The following BAIAP2 variants were observed in gnomAD, a reference collection of about 807,000 sequenced individuals.
BAIAP2 encodes BAR/IMD domain-containing adapter protein 2.
BAIAP2 carries 18 observed loss-of-function variants against 63.0 expected under a neutral mutation model. The ratio of observed to expected loss-of-function variants is 0.29; its 90% CI spans 0.20 to 0.42. The LOEUF is 0.42. BAIAP2 is among the 10% of genes least tolerant of loss of function. BAIAP2 has a pLI of 1.00. For synonymous variants in BAIAP2, 386 were observed against 307.6 expected (o/e 1.25, Z -2.67); for missense variants, 610 against 734.3 (o/e 0.83, Z 1.96).
In BAIAP2 at chr17:81,046,408, A is replaced by G. The variant is rs2047811701; in HGVS notation, c.55-7260A>G. On this transcript the variant is annotated intron_variant, in intron 1 of 13. Coordinates refer to ENST00000428708, the MANE Select transcript of BAIAP2 (RefSeq NM_001144888.2). This position sits in a 1 kb window ranked among gnomAD's most constrained non-coding sequence, Gnocchi z 4.5. ...TTTCTTCCTTCAGGAAGGATCCTCC[A>G]GGACAGATGTCCAAGTGTTTAGAGG... Among the ~76,000 whole-genome samples, 1 of 152,104 alleles carries G rather than the reference A, an allele frequency of 6.6e-6. No homozygotes were observed. Among genetic ancestry groups the G allele is most frequent in the Admixed American group, 6.5e-5 (1 of 15,286 alleles).
chr17:81,037,050 T>A, intron 1 of BAIAP2: 1 of 1,072,200 alleles, frequency 9.3e-7, no homozygotes, highest in Non-Finnish European at 1.4e-6. Context: ...GGCCTTCACC[T>A]AGGTGAAGCT....
intron 6 of BAIAP2, among the ~76,000 whole-genome samples, chr17:81,088,312 A>T (rs1169764535): frequency 6.6e-6 from 1 of 152,216 alleles, no homozygotes; most frequent in East Asian, 1.9e-4. Context: ...CTGAGGGCTC[A>T]GCTGCCTGCT....
intron 7 of BAIAP2, among the ~76,000 whole-genome samples, chr17:81,101,420 C>T (rs2058466291): frequency 6.6e-6 from 1 of 152,256 alleles, no homozygotes; most frequent in Non-Finnish European, 1.5e-5. Context: ...CCCTGTTCAC[C>T]CATAGTCCAT....
At chr17:81,057,488 G>C (rs773744245) in intron 2 of BAIAP2, 9 of 211,058 alleles carry the variant, frequency 4.3e-5, no homozygotes, top group Non-Finnish European at 7.5e-5. Flanking sequence ...GTGGGGAAAT[G>C]GCTTCCTACT....
intron 10 of BAIAP2, 123 bp downstream of exon 10, chr17:81,104,838 C>T (rs573081313): frequency 8.1e-5 from 84 of 1,039,022 alleles, no homozygotes; most frequent in Middle Eastern, 6.3e-4. Flanking sequence ...GGGTCCTCGC[C>T]GTAGAAGACC....
At chr17:81,097,231 T>C (rs2057778399) in intron 6 of BAIAP2, among the ~76,000 whole-genome samples, 1 of 152,258 alleles carries the variant, frequency 6.6e-6, no homozygotes, top group East Asian at 1.9e-4. Context: ...AGGTGGGGTT[T>C]AGTGTGGGAA....
chr17:81,099,321 C>G (rs1039568814), intron 6 of BAIAP2, among the ~76,000 whole-genome samples: 21 of 152,278 alleles, frequency 1.4e-4, no homozygotes, highest in African/African-American at 4.8e-4. Context: ...GAGCCGGAGC[C>G]GGGTGGGAGA....
In BAIAP2 at chr17:81,071,367, C is replaced by T. The variant is rs547348386; in HGVS notation, c.217+13400C>T. On this transcript the variant is annotated intron_variant, in intron 3 of 13. Transcript: ENST00000428708. ...TCTGTCCTTCCCCGTGATGAGGGCG[C>T]TCTGTTCGAGCCCTGCCCAGGTGGG... is the stretch of plus-strand genomic sequence containing the variant. Among the ~76,000 whole-genome samples, 158 of 152,308 alleles carry T rather than the reference C, an allele frequency of 1.0e-3. 1 individual carries two copies. Among genetic ancestry groups the T allele is most frequent in the Non-Finnish European group, 1.6e-3 (106 of 68,030 alleles).
chr17:81,072,715 C>T (rs2052916232), intron 3 of BAIAP2, among the ~76,000 whole-genome samples: 1 of 152,162 alleles, frequency 6.6e-6, no homozygotes, highest in African/African-American at 2.4e-5. Context: ...CGCTGTCTGG[C>T]AGGCTCTGCC....
At chr17:81,078,760 G>A (rs532193174) in intron 3 of BAIAP2, among the ~76,000 whole-genome samples, 1 of 152,148 alleles carries the variant, frequency 6.6e-6, no homozygotes, top group South Asian at 2.1e-4. Flanking sequence ...TGCAGCCTCC[G>A]CTCCTCTCTG....
rs926622303 is a variant in BAIAP2, at chr17:81,115,936, C to A, written c.*97C>A. 9 of 1,558,766 alleles carry A rather than the reference C, an allele frequency of 5.8e-6. No homozygotes were observed. Among genetic ancestry groups the A allele is most frequent in the Non-Finnish European group, 7.8e-6 (9 of 1,152,482 alleles). On this transcript the variant is annotated 3_prime_UTR_variant, in exon 14 of 14. Coordinates refer to ENST00000428708, the MANE Select transcript of BAIAP2 (RefSeq NM_001144888.2). ...CTGTGCGTTCCTGTGTAGAGAACAT[C>A]CAGGCCCCGGCTGCCTGGTCTTGCC...
At chr17:81,105,842 T>G (rs1021113522) in intron 10 of BAIAP2, 12 of 464,000 alleles carry the variant, frequency 2.6e-5, no homozygotes, top group African/African-American at 2.0e-4. Flanking sequence ...TTGGGTCTGG[T>G]GGGGCCGGCA....
At chr17:81,096,724 A>G (rs767196614) in intron 6 of BAIAP2, among the ~76,000 whole-genome samples, 3 of 152,236 alleles carry the variant, frequency 2.0e-5, no homozygotes, top group African/African-American at 4.8e-5. Flanking sequence ...GTCCTCCTCC[A>G]TGGCTGCAGT....
At chr17:81,070,399 A>G (rs893054043) in intron 3 of BAIAP2, among the ~76,000 whole-genome samples, 5 of 152,152 alleles carry the variant, frequency 3.3e-5, no homozygotes, top group African/African-American at 1.2e-4. Context: ...CTGCCGGGCA[A>G]CCTTGGTCAC....
In BAIAP2 at chr17:81,055,569, G is replaced by GTTTTTTTTTTTTTTT. The variant is rs1555657837; in HGVS notation, c.130+1830_130+1831insTTTTTTTTTTTTTTT. Among the ~76,000 whole-genome samples, 390 of 93,912 alleles carry GTTTTTTTTTTTTTTT rather than the reference G, an allele frequency of 4.2e-3. 14 individuals carry two copies. Among genetic ancestry groups the GTTTTTTTTTTTTTTT allele is most frequent in the Non-Finnish European group, 6.5e-3 (302 of 46,530 alleles). 61.6% of individuals were successfully genotyped at this position (93,912 alleles called of 152,430 possible). A position where few individuals can be genotyped will look rare whatever the true frequency, so the allele number is the denominator to read the frequency against. On this transcript the variant is annotated intron_variant, in intron 2 of 13. Transcript: ENST00000428708. The stretch of plus-strand genomic sequence containing the variant: ...TTCCTCCAGCGAAAGTCTGCAGGGT[G>GTTTTTTTTTTTTTTT]TTTTGTTTTTTTTTGAGACGGAGTC...
intron 3 of BAIAP2, among the ~76,000 whole-genome samples, chr17:81,074,842 AAG>A (rs2144934279): frequency 1.3e-5 from 2 of 152,368 alleles, no homozygotes; most frequent in East Asian, 3.9e-4. Context: ...ACATCACAGA[AAG>A]AGTGGTGAAG....
At chr17:81,102,273 G>GA (rs1387319540) in intron 7 of BAIAP2, among the ~76,000 whole-genome samples, 1 of 152,192 alleles carries the variant, frequency 6.6e-6, no homozygotes, top group African/African-American at 2.4e-5. Context: ...GTGCGGGGGT[G>GA]ACGCTGGCTC....
chr17:81,095,857 C>T (rs1194551548), intron 6 of BAIAP2, among the ~76,000 whole-genome samples: 6 of 152,198 alleles, frequency 3.9e-5, no homozygotes, highest in African/African-American at 9.7e-5. Context: ...AAAACACCAA[C>T]TCTCTTCCCG....
In BAIAP2 at chr17:81,057,864, C is replaced by T. The variant is rs760451695; in HGVS notation, c.131-17C>T. ...CCCTCGTGGAGGAAATAACTGCTCC[C>T]TTTTCTTCTCTCTCAGGTGTGACGT... On this transcript the variant is annotated splice_polypyrimidine_tract_variant and intron_variant, in intron 2 of 13. Coordinates refer to ENST00000428708, the MANE Select transcript of BAIAP2 (RefSeq NM_001144888.2). 21 of 1,606,298 alleles carry T rather than the reference C, an allele frequency of 1.3e-5. No homozygotes were observed. The highest frequency in any genetic ancestry group is 2.7e-5 in the African/African-American group (2 of 74,608).
Sources: gnomAD v4.1 joint callset for allele counts (sites outside exome capture counted in the v4.1 genomes callset) on GRCh38, gnomAD v4.1.1 for gene constraint, Gnocchi (gnomAD v3.1) non-coding constraint, MANE v1.5 for transcripts, NCBI Gene and HGNC (gene_info 2026-07-23, HGNC 2026-07-21) for gene names.